The following PTPRG variants were observed in gnomAD, a reference collection of about 807,000 sequenced individuals.
PTPRG encodes receptor-type tyrosine-protein phosphatase gamma.
In PTPRG, 102 loss-of-function variants were observed where a neutral mutation model predicts 165.3. The observed-to-expected ratio is 0.62, with a 90% CI of 0.53 to 0.73. The LOEUF (loss-of-function observed/expected upper bound fraction) is 0.73, where lower values mean the gene tolerates loss of function less well. Among genes scored for constraint, PTPRG ranks in the 30% least tolerant of loss-of-function variants. The pLI is 0.00. For missense variants in PTPRG, 1,866 were observed against 1,861.4 expected, an observed-to-expected ratio of 1.00 and a Z score of -0.05; for synonymous variants, 675 against 669.5, an observed-to-expected ratio of 1.01 and a Z score of -0.13.
At chr3:61,989,970 CTG>C (rs1171964322) in intron 3 of PTPRG, among the ~76,000 whole-genome samples, 166 bp downstream of exon 3, 1 of 152,116 alleles carries the variant, frequency 6.6e-6, no homozygotes, top group African/African-American at 2.4e-5. Context: ...GTAAATCACT[CTG>C]TGGCTAATCA....
chr3:61,975,922 C>T (rs912869768), intron 2 of PTPRG, among the ~76,000 whole-genome samples: 3 of 152,036 alleles, frequency 2.0e-5, no homozygotes, highest in Non-Finnish European at 2.9e-5. Context: ...CTTGTATACC[C>T]CTATTTATTT....
chr3:62,096,184 AT>A (rs1161813838), intron 5 of PTPRG, among the ~76,000 whole-genome samples: 1 of 152,224 alleles, frequency 6.6e-6, no homozygotes, highest in East Asian at 1.9e-4. Context: ...TATTACCAAG[AT>A]TGTAAGGATT....
At chr3:61,840,022 T>C (rs1177365960) in intron 2 of PTPRG, among the ~76,000 whole-genome samples, 1 of 152,230 alleles carries the variant, frequency 6.6e-6, no homozygotes, top group Non-Finnish European at 1.5e-5. Flanking sequence ...TCTTGGAATT[T>C]AGAGAATATA....
chr3:61,795,639 C>CAAAAA lies in PTPRG; in HGVS notation c.190+46681_190+46685dup, dbSNP rs145136197. 5.0e-4 allele frequency among the ~76,000 whole-genome samples: 30 copies of CAAAAA among 59,464 alleles called. 1 individual carries two copies. Among genetic ancestry groups the CAAAAA allele is most frequent in the African/African-American group, 1.9e-3 (28 of 14,848 alleles). The allele number at this position is 59,464 out of a possible 152,430, so 39.0% of individuals were successfully genotyped here. A position where few individuals can be genotyped will look rare whatever the true frequency, so the allele number is the denominator to read the frequency against. On this transcript the variant is annotated intron_variant, in intron 2 of 29. Transcript: ENST00000474889. ...TGGGTGACAGAGCAAGACTCCGTCT[C>CAAAAA]AAAAAAAAAAAAAAAAAAAAAAAAA...
chr3:61,730,474 C>T (rs187638141), intron 1 of PTPRG, among the ~76,000 whole-genome samples: 2 of 152,296 alleles, frequency 1.3e-5, no homozygotes, highest in Admixed American at 1.3e-4. Context: ...AGCGGAGGTT[C>T]ATTGTTAATG....
rs371737944 is a variant in PTPRG at position 62,201,380 on chromosome 3, A to C, written c.1328-125A>C. The stretch of plus-strand genomic sequence containing the variant: ...TTTATATTTTTAAATGGTTGGAAAA[A>C]ATCTACAGAATAATATTTTGACATG... On this transcript the variant is annotated intron_variant, in intron 10 of 29. Transcript: ENST00000474889. The C allele has an allele frequency of 1.2e-5, 9 of 764,904 alleles. No individual in the cohort carries two copies. The East Asian group carries it at 2.6e-4, about 22-fold the overall frequency. 47.4% of individuals were successfully genotyped at this position (764,904 alleles called of 1,614,324 possible).
At chr3:61,787,978 AGTTT>A (rs1188675270) in intron 2 of PTPRG, among the ~76,000 whole-genome samples, 1 of 151,990 alleles carries the variant, frequency 6.6e-6, no homozygotes, top group Non-Finnish European at 1.5e-5. Context: ...CAAACTTGTG[AGTTT>A]GTCTGAGGAA....
intron 14 of PTPRG, among the ~76,000 whole-genome samples, chr3:62,241,738 T>G (rs1042295806): frequency 2.0e-5 from 3 of 152,200 alleles, no homozygotes; most frequent in African/African-American, 7.2e-5. Flanking sequence ...GCTTTACATT[T>G]TAGAAGTCTA....
chr3:61,890,151 A>G (rs1027298765), intron 2 of PTPRG, among the ~76,000 whole-genome samples: 4 of 152,138 alleles, frequency 2.6e-5, no homozygotes, highest in African/African-American at 9.7e-5. Context: ...TTGCAGTCTG[A>G]AGGTCAGACT....
intron 1 of PTPRG, among the ~76,000 whole-genome samples, chr3:61,633,605 C>G (rs182089698): frequency 2.0e-5 from 3 of 152,232 alleles, no homozygotes. Context: ...TTAAGATTTT[C>G]TGTATACAAG....
intron 23 of PTPRG, among the ~76,000 whole-genome samples, chr3:62,274,134 C>T (rs1379765947): frequency 1.3e-5 from 2 of 152,084 alleles, no homozygotes; most frequent in East Asian, 1.9e-4. Context: ...TAAAGTAACT[C>T]GTTTAGTCCA....
intron 2 of PTPRG, among the ~76,000 whole-genome samples, chr3:61,860,948 C>T (rs1038413506): frequency 6.6e-6 from 1 of 152,096 alleles, no homozygotes. Context: ...TTGCCACAGC[C>T]ACCCCCCTTC....
chr3:62,227,264 T>C (rs1006248213), intron 13 of PTPRG, among the ~76,000 whole-genome samples: 1 of 152,156 alleles, frequency 6.6e-6, no homozygotes, highest in South Asian at 2.1e-4. Flanking sequence ...GGCCGACACT[T>C]CCAGGTCTAC....
In PTPRG at chr3:62,295,936, G is replaced by A. The variant is rs1703046319; in HGVS notation, c.*2629G>A. 1 of 152,118 alleles carries A rather than the reference G, an allele frequency of 6.6e-6. No individual in the cohort carries two copies. The highest frequency in any genetic ancestry group is 1.9e-4 in the East Asian group (1 of 5,176). 9.4% of individuals were successfully genotyped at this position (152,118 alleles called of 1,614,324 possible). On this transcript the variant is annotated 3_prime_UTR_variant, in exon 30 of 30. Transcript: ENST00000474889. Reference sequence around the variant, plus strand: ...AGCACATTGCTTAAGTACATAACAAGGTTATTAACACTTGCACTCAGGGGA... The same window carrying A: ...AGCACATTGCTTAAGTACATAACAAAGTTATTAACACTTGCACTCAGGGGA...
At chr3:61,814,368 C>T (rs1466543269) in intron 2 of PTPRG, among the ~76,000 whole-genome samples, 3 of 152,152 alleles carry the variant, frequency 2.0e-5, no homozygotes, top group Non-Finnish European at 2.9e-5. Flanking sequence ...TTCCACTTCT[C>T]GTATACAAGA....
intron 1 of PTPRG, among the ~76,000 whole-genome samples, chr3:61,623,407 G>A (rs1383954696): frequency 6.6e-6 from 1 of 152,172 alleles, no homozygotes; most frequent in Non-Finnish European, 1.5e-5. Context: ...CGGGGGGAAG[G>A]ACCTTGAGGT....
At chr3:61,887,164 A>ATATATATATATATATATG (rs2038072515) in intron 2 of PTPRG, among the ~76,000 whole-genome samples, 2 of 128,216 alleles carry the variant, frequency 1.6e-5, no homozygotes, top group Admixed American at 7.7e-5. Context: ...ATATATATAT[A>ATATATATATATATATATG]TATATATTTT....
At chr3:61,718,447 T>C (rs1482645342) in intron 1 of PTPRG, among the ~76,000 whole-genome samples, 1 of 152,096 alleles carries the variant, frequency 6.6e-6, no homozygotes, top group African/African-American at 2.4e-5. Context: ...CATACTTGGC[T>C]TCAGCGGGTT....
At chr3:61,954,852 G>T (rs1270134244) in intron 2 of PTPRG, among the ~76,000 whole-genome samples, 3 of 152,208 alleles carry the variant, frequency 2.0e-5, no homozygotes, top group Non-Finnish European at 4.4e-5. Context: ...CAAATCAGAT[G>T]AGAAAGGACA....
Sources: gnomAD v4.1 joint callset for allele counts (sites outside exome capture counted in the v4.1 genomes callset) on GRCh38, gnomAD v4.1.1 for gene constraint, MANE v1.5 for transcripts, NCBI Gene and HGNC (gene_info 2026-07-23, HGNC 2026-07-21) for gene names.